The following CDH13 variants were observed in gnomAD, a reference collection of about 807,000 sequenced individuals.
CDH13 encodes the protein cadherin-13.
CDH13 carries 24 observed loss-of-function variants against 63.8 expected under a neutral mutation model. The observed-to-expected ratio is 0.38, with a 90% CI of 0.27 to 0.53. The LOEUF is 0.53. Ranked by LOEUF, CDH13 falls within the 20% of genes least tolerant of loss-of-function variation. CDH13 has a pLI of 0.85. For synonymous variants in CDH13, 503 were observed against 355.3 expected (o/e 1.42, Z -4.67); for missense variants, 1,049 against 903.1 (o/e 1.16, Z -2.07).
chr16:82,858,315 A>G (rs2151165896), intron 1 of CDH13, 47 bp from the exon 2 acceptor site: 1 of 1,310,554 alleles, frequency 7.6e-7, no homozygotes, highest in East Asian at 2.3e-5. Context: ...TTAGCAGGGC[A>G]AACACATAAG....
intron 5 of CDH13, among the ~76,000 whole-genome samples, chr16:83,322,988 C>T (rs527410034): frequency 1.3e-5 from 2 of 152,122 alleles, no homozygotes; most frequent in Admixed American, 1.3e-4. Context: ...CTGAAAAGTA[C>T]TTTCATACCC....
At chr16:82,760,881 G>A (rs2034810504) in intron 1 of CDH13, among the ~76,000 whole-genome samples, 1 of 151,932 alleles carries the variant, frequency 6.6e-6, no homozygotes, top group African/African-American at 2.4e-5. Context: ...ATCAGATCTT[G>A]CAGTAACTAA....
intron 6 of CDH13, among the ~76,000 whole-genome samples, chr16:83,432,553 G>A (rs1269732230): frequency 6.6e-6 from 1 of 152,184 alleles, no homozygotes; most frequent in Non-Finnish European, 1.5e-5. Context: ...TAAACAGAGT[G>A]GGTGAAACGA....
chr16:82,665,425 T>A (rs1190985292), intron 1 of CDH13, among the ~76,000 whole-genome samples: 1 of 152,202 alleles, frequency 6.6e-6, no homozygotes, highest in African/African-American at 2.4e-5. Flanking sequence ...TTGACTGAAC[T>A]GTGACCAGAG....
At chr16:82,841,473 G>A (rs2039007424) in intron 1 of CDH13, among the ~76,000 whole-genome samples, 1 of 152,184 alleles carries the variant, frequency 6.6e-6, no homozygotes, top group Non-Finnish European at 1.5e-5. Context: ...CCCTAATTAT[G>A]TCAGGAGGCA....
intron 1 of CDH13, among the ~76,000 whole-genome samples, chr16:82,845,808 C>T (rs897814638): frequency 1.3e-5 from 2 of 152,214 alleles, no homozygotes; most frequent in African/African-American, 4.8e-5. Flanking sequence ...CAACCCTGAG[C>T]AGGCACATCC....
intron 1 of CDH13, among the ~76,000 whole-genome samples, chr16:82,803,691 A>T (rs1427080644): frequency 6.6e-6 from 1 of 152,234 alleles, no homozygotes; most frequent in Non-Finnish European, 1.5e-5. Flanking sequence ...ATGAACCTGC[A>T]GGATATTATG....
chr16:83,335,318 C>G (rs2090569680), intron 5 of CDH13, among the ~76,000 whole-genome samples: 1 of 152,086 alleles, frequency 6.6e-6, no homozygotes, highest in African/African-American at 2.4e-5. Context: ...ATTACCGGCT[C>G]TTAACTTTTC....
chr16:83,207,731 C>T (rs1189572566), intron 4 of CDH13, among the ~76,000 whole-genome samples: 2 of 143,346 alleles, frequency 1.4e-5, no homozygotes, highest in Non-Finnish European at 3.1e-5. Context: ...AAAACCCCTG[C>T]AAATACTTAG....
chr16:82,858,554 T>C, intron 2 of CDH13, 81 bp downstream of exon 2: 1 of 906,030 alleles, frequency 1.1e-6, no homozygotes, highest in Non-Finnish European at 1.8e-6. Context: ...TCTCAGGATG[T>C]GGTATTTCCT....
intron 1 of CDH13, among the ~76,000 whole-genome samples, chr16:82,822,149 T>C (rs2151096921): frequency 6.6e-6 from 1 of 152,176 alleles, no homozygotes; most frequent in East Asian, 1.9e-4. Flanking sequence ...AATCAAAAGA[T>C]TACCCGGGGA....
At chr16:83,751,415 C>A (rs1228100325) in intron 11 of CDH13, among the ~76,000 whole-genome samples, 1 of 149,716 alleles carries the variant, frequency 6.7e-6, no homozygotes, top group Non-Finnish European at 1.5e-5. Context: ...GCCAACATGG[C>A]AAAACCCCAT....
chr16:83,540,634 T>C (rs1337680248), intron 7 of CDH13, among the ~76,000 whole-genome samples: 1 of 152,224 alleles, frequency 6.6e-6, no homozygotes, highest in African/African-American at 2.4e-5. Flanking sequence ...CACTCTCAAG[T>C]AGTAACAGTA....
chr16:83,554,211 A>G (rs2075561421), intron 7 of CDH13, among the ~76,000 whole-genome samples: 1 of 152,220 alleles, frequency 6.6e-6, no homozygotes, highest in Non-Finnish European at 1.5e-5. Context: ...GAAGCAGTGA[A>G]CACTTACTTA....
At chr16:83,779,363 C>T (rs1416828853) in intron 11 of CDH13, among the ~76,000 whole-genome samples, 9 of 120,572 alleles carry the variant, frequency 7.5e-5, no homozygotes, top group Admixed American at 1.1e-4. Context: ...GTCGAGATTG[C>T]GCCATTGCAC....
chr16:83,180,672 C>T (rs540960139), intron 4 of CDH13, among the ~76,000 whole-genome samples: 2 of 152,266 alleles, frequency 1.3e-5, no homozygotes, highest in Non-Finnish European at 2.9e-5. Context: ...TGCAGACTCC[C>T]GAAGCCATGC....
At chr16:82,759,344 T>G (rs549143922) in intron 1 of CDH13, among the ~76,000 whole-genome samples, 1 of 152,200 alleles carries the variant, frequency 6.6e-6, no homozygotes, top group Non-Finnish European at 1.5e-5. Flanking sequence ...TTTGGGATTA[T>G]TCAAACTGAG....
chr16:82,804,269 A>C (rs1015209051), intron 1 of CDH13, among the ~76,000 whole-genome samples: 9 of 132,528 alleles, frequency 6.8e-5, no homozygotes, highest in African/African-American at 2.6e-4. Context: ...AGGTTAGGGG[A>C]TCTTGCTACA....
At chr16:83,652,137 C>G (rs549005321) in intron 8 of CDH13, among the ~76,000 whole-genome samples, 1 of 152,346 alleles carries the variant, frequency 6.6e-6, no homozygotes, top group East Asian at 1.9e-4. Flanking sequence ...ATGGGAATTA[C>G]AGTCGGGCCC....
Sources: gnomAD v4.1 joint callset for allele counts (sites outside exome capture counted in the v4.1 genomes callset) on GRCh38, gnomAD v4.1.1 for gene constraint, MANE v1.5 for transcripts, NCBI Gene and HGNC (gene_info 2026-07-23, HGNC 2026-07-21) for gene names.